The following GMDS variants were observed in gnomAD, a reference collection of about 807,000 sequenced individuals.
GMDS encodes GDP-mannose 4,6 dehydratase.
Under a neutral mutation model 49.9 loss-of-function variants are expected in GMDS, and 20 were observed. The ratio of observed to expected loss-of-function variants is 0.40; its 90% CI spans 0.28 to 0.58. The LOEUF (loss-of-function observed/expected upper bound fraction) is 0.58, where lower values mean the gene tolerates loss of function less well. Ranked by LOEUF, GMDS falls within the 20% of genes least tolerant of loss-of-function variation. The probability of loss-of-function intolerance (pLI) is 0.42; values close to 1 mark genes in which losing one functional copy is unlikely to be tolerated. For synonymous variants in GMDS, 177 were observed against 178.6 expected (o/e 0.99, Z 0.07); for missense variants, 362 against 481.4 (o/e 0.75, Z 2.32).
intron 7 of GMDS, among the ~76,000 whole-genome samples, chr6:1,744,116 T>G (rs1198861950): frequency 1.3e-5 from 2 of 152,324 alleles, no homozygotes; most frequent in South Asian, 2.1e-4. Flanking sequence ...TCATTGGAAT[T>G]TGTAGAAAAC....
At chr6:2,221,062 T>C (rs556250862) in intron 1 of GMDS, among the ~76,000 whole-genome samples, 18 of 151,976 alleles carry the variant, frequency 1.2e-4, no homozygotes, top group Admixed American at 4.6e-4. Flanking sequence ...TGTAGTACAT[T>C]ACCACAAGTA....
intron 9 of GMDS, among the ~76,000 whole-genome samples, chr6:1,725,158 T>C (rs1766531346): frequency 6.6e-6 from 1 of 152,216 alleles, no homozygotes; most frequent in African/African-American, 2.4e-5. Context: ...ACAGTTAATG[T>C]TCACTAGGTA....
chr6:1,718,976 T>C (rs568665961), intron 9 of GMDS, among the ~76,000 whole-genome samples: 185 of 151,982 alleles, frequency 1.2e-3, no homozygotes, highest in African/African-American at 4.3e-3. Flanking sequence ...TTACACCAGG[T>C]TTTCATGGGG....
At position 1,775,803 on chromosome 6, in the gene GMDS, T is replaced by C. The variant is rs116147410; in HGVS notation, c.772-33217A>G. Among the ~76,000 whole-genome samples, 817 of 152,336 alleles carry C rather than the reference T, an allele frequency of 5.4e-3. 6 individuals are homozygous for C. The highest frequency in any genetic ancestry group is 0.019 in the African/African-American group (777 of 41,582). Reference sequence around the variant, plus strand: ...ATACAGAGAAATTATCCTACACTTTTTCAAAAATATGAGTAATAGATGGCT... The same window carrying C: ...ATACAGAGAAATTATCCTACACTTTCTCAAAAATATGAGTAATAGATGGCT... On this transcript the variant is annotated intron_variant, in intron 7 of 10. Coordinates refer to ENST00000380815, the MANE Select transcript of GMDS (RefSeq NM_001500.4).
chr6:1,802,190 C>T (rs376355919), intron 7 of GMDS, among the ~76,000 whole-genome samples: 8 of 152,164 alleles, frequency 5.3e-5, no homozygotes, highest in East Asian at 3.9e-4. Context: ...AACAGAGGTA[C>T]AAGTCTTCAT....
chr6:2,119,481 T>C (rs560662402), intron 2 of GMDS, among the ~76,000 whole-genome samples: 1 of 152,296 alleles, frequency 6.6e-6, no homozygotes, highest in Admixed American at 6.5e-5. Flanking sequence ...GCTTAATCCA[T>C]GACAGCAGGT....
chr6:1,709,909 CTATGGAGGAAGAGTTTT>C (rs1765886596), intron 9 of GMDS, among the ~76,000 whole-genome samples: 1 of 152,174 alleles, frequency 6.6e-6, no homozygotes, highest in East Asian at 1.9e-4. Flanking sequence ...GGCAGGGTAT[CTATGGAGGAAGAGTTTT>C]TGCTTCATGC....
intron 9 of GMDS, among the ~76,000 whole-genome samples, chr6:1,660,687 C>T (rs1458775702): frequency 6.7e-6 from 1 of 148,484 alleles, no homozygotes; most frequent in Non-Finnish European, 1.5e-5. Flanking sequence ...ATATCTCAAA[C>T]AAGATGTGGG....
At chr6:2,145,879 G>A (rs1373952354) in intron 1 of GMDS, among the ~76,000 whole-genome samples, 1 of 152,106 alleles carries the variant, frequency 6.6e-6, no homozygotes, top group Admixed American at 6.5e-5. Context: ...TATACAGGAG[G>A]ATGTACGTAA....
In GMDS at chr6:2,055,077, G is replaced by A. The variant is rs138070153; in HGVS notation, c.345+60694C>T. ...GATATAAAATCGACATTGTTAAGCA[G>A]CAAATGGGTTTAGCAGATTGGTGAT... On this transcript the variant is annotated intron_variant, in intron 4 of 10. Transcript: ENST00000380815. Among the ~76,000 whole-genome samples, 736 of 152,178 alleles carry A rather than the reference G, an allele frequency of 4.8e-3. 9 individuals are homozygous for A. Among genetic ancestry groups the A allele is most frequent in the Middle Eastern group, 0.037 (11 of 294 alleles).
At chr6:1,813,951 T>C (rs1223425108) in intron 7 of GMDS, among the ~76,000 whole-genome samples, 1 of 152,192 alleles carries the variant, frequency 6.6e-6, no homozygotes, top group South Asian at 2.1e-4. Context: ...TAAAATCTAA[T>C]TGCTTCATGT....
chr6:2,047,811 A>C (rs1770114151), intron 4 of GMDS, among the ~76,000 whole-genome samples: 1 of 152,214 alleles, frequency 6.6e-6, no homozygotes, highest in Admixed American at 6.5e-5. Flanking sequence ...TTTTAAGCAT[A>C]AAATTACATA....
At chr6:1,944,492 C>A (rs1263210224) in intron 6 of GMDS, among the ~76,000 whole-genome samples, 1 of 131,258 alleles carries the variant, frequency 7.6e-6, no homozygotes, top group Non-Finnish European at 1.6e-5. Context: ...GCGACAGAGC[C>A]AGATTGCGTC....
intron 1 of GMDS, among the ~76,000 whole-genome samples, chr6:2,167,595 T>G (rs1436504339): frequency 1.3e-5 from 2 of 152,156 alleles, no homozygotes. Flanking sequence ...GATGCCCTTA[T>G]GATTCCACCT....
rs75090861 is a variant in GMDS, at chr6:2,055,386, T to C, written c.345+60385A>G. On this transcript the variant is annotated intron_variant, in intron 4 of 10. Coordinates refer to ENST00000380815, the MANE Select transcript of GMDS (RefSeq NM_001500.4). ...GGATAAATACAAAGAAAGCCACACA[T>C]AGGCATGTCAGTCAAATGACCATCA... Among the ~76,000 whole-genome samples, 689 of 152,148 alleles carry C rather than the reference T, an allele frequency of 4.5e-3. 3 individuals carry two copies. Among genetic ancestry groups the C allele is most frequent in the African/African-American group, 0.016 (673 of 41,532 alleles).
intron 4 of GMDS, among the ~76,000 whole-genome samples, chr6:2,110,375 AG>A (rs1339065773): frequency 6.6e-6 from 1 of 152,102 alleles, no homozygotes; most frequent in Non-Finnish European, 1.5e-5. Context: ...TCTTTAGCTT[AG>A]GTAATTCAGT....
At chr6:1,982,312 G>A (rs1356768624) in intron 4 of GMDS, among the ~76,000 whole-genome samples, 1 of 152,102 alleles carries the variant, frequency 6.6e-6, no homozygotes, top group Non-Finnish European at 1.5e-5. Flanking sequence ...CATTCCCCTT[G>A]AAAACCAGCA....
chr6:1,878,232 A>G (rs368457346), intron 7 of GMDS, among the ~76,000 whole-genome samples: 35 of 146,606 alleles, frequency 2.4e-4, no homozygotes, highest in South Asian at 2.0e-3. Flanking sequence ...GGAGAACGGC[A>G]TGAACCTGGG....
At position 1,666,351 on chromosome 6, in the gene GMDS, A is replaced by G. The variant is rs927653940; in HGVS notation, c.988-41811T>C. On this transcript the variant is annotated intron_variant, in intron 9 of 10. Transcript: ENST00000380815. ...GGTTCCTCTCCTGTTGGTCCTGATG[A>G]TGCACCAAGACCAAGAATATTTCTT... Among the ~76,000 whole-genome samples, 4 of 151,966 alleles carry G rather than the reference A, an allele frequency of 2.6e-5. No individual in the cohort carries two copies. The East Asian group carries it at 7.7e-4, about 29-fold the overall frequency.
Sources: allele counts gnomAD v4.1 joint callset (sites outside exome capture counted in the v4.1 genomes callset), GRCh38; gene constraint gnomAD v4.1.1; transcripts MANE v1.5; gene names NCBI Gene and HGNC (gene_info 2026-07-23, HGNC 2026-07-21).